Variants in CLXN observed in about 807,000 individuals in gnomAD.
The protein encoded by CLXN is EF-hand calcium binding domain 1.
At chr8:48,726,613 C>G in the CLXN span, among the ~76,000 whole-genome samples, 3 of 149,208 alleles carry the variant, frequency 2.0e-5, no homozygotes, top group Non-Finnish European at 4.5e-5. Context: ...ATCTTTTTAT[C>G]TACCCATCCA....
chr8:48,734,478 T>TC, the CLXN span: 4 of 152,206 alleles, frequency 2.6e-5, no homozygotes, highest in African/African-American at 7.2e-5. Flanking sequence ...TCCTTTATCT[T>TC]TCAACACCAG....
the CLXN span, chr8:48,735,213 T>C: frequency 6.3e-7 from 1 of 1,590,772 alleles, no homozygotes. Context: ...ACCGAGACCC[T>C]CGCGGGACCC....
chr8:48,733,374 T>C, the CLXN span, among the ~76,000 whole-genome samples: 2 of 152,186 alleles, frequency 1.3e-5, no homozygotes, highest in African/African-American at 4.8e-5. Flanking sequence ...CAATACTAAA[T>C]GAAACAAGAA....
chr8:48,715,947 C>T, the CLXN span: 3 of 152,238 alleles, frequency 2.0e-5, no homozygotes, highest in Admixed American at 6.5e-5. Context: ...TTTAGAGAAG[C>T]TTAGTAAGCT....
chr8:48,731,017 C>T, the CLXN span, among the ~76,000 whole-genome samples: 1 of 152,056 alleles, frequency 6.6e-6, no homozygotes, highest in South Asian at 2.1e-4. Flanking sequence ...TATCTTGTCA[C>T]TGAAATATCT....
At chr8:48,719,558 GATCAAA>G in the CLXN span, among the ~76,000 whole-genome samples, 1 of 152,060 alleles carries the variant, frequency 6.6e-6, no homozygotes. Context: ...GCATTAAAAA[GATCAAA>G]ATGCCATGAC....
chr8:48,729,107 C>A, the CLXN span: 3 of 1,613,302 alleles, frequency 1.9e-6, no homozygotes, highest in Non-Finnish European at 2.5e-6. Flanking sequence ...ACAGCCAGTT[C>A]ATAGTCTGCA....
chr8:48,717,464 A>G, the CLXN span, among the ~76,000 whole-genome samples: 4 of 152,374 alleles, frequency 2.6e-5, no homozygotes, highest in South Asian at 8.3e-4. Flanking sequence ...AGGGAGAGAT[A>G]AAGTCTTTCC....
the CLXN span, chr8:48,734,969 G>C: frequency 3.7e-6 from 4 of 1,082,600 alleles, no homozygotes; most frequent in Non-Finnish European, 5.4e-6. Flanking sequence ...CGGGGTGGAG[G>C]GGCGGTAGGT....
chr8:48,729,188 T>C, the CLXN span: 1 of 1,453,174 alleles, frequency 6.9e-7, no homozygotes, highest in East Asian at 2.3e-5. Flanking sequence ...GTAAAATGAT[T>C]ACTGCAAATA....
chr8:48,730,187 T>A, the CLXN span: 1 of 307,770 alleles, frequency 3.2e-6, no homozygotes, highest in Non-Finnish European at 6.0e-6. Context: ...TAATTAAGAA[T>A]AAGAACACTT....
At chr8:48,729,751 T>C in the CLXN span, 1 of 1,612,564 alleles carries the variant, frequency 6.2e-7, no homozygotes, top group Non-Finnish European at 8.5e-7. Flanking sequence ...AACCAAATCT[T>C]TAATTCCTTC....
At chr8:48,724,048 T>G in the CLXN span, 1 of 152,200 alleles carries the variant, frequency 6.6e-6, no homozygotes, top group African/African-American at 2.4e-5. Context: ...TGGTACTTTT[T>G]GATTTTCAGT....
the CLXN span, chr8:48,731,335 G>A: frequency 3.2e-6 from 5 of 1,576,512 alleles, no homozygotes; most frequent in Middle Eastern, 1.7e-4. Flanking sequence ...TTTGAATCTT[G>A]TGTGTCTCTT....
chr8:48,712,381 T>G, the CLXN span: 1 of 152,410 alleles, frequency 6.6e-6, no homozygotes, highest in East Asian at 1.9e-4. Flanking sequence ...TGCATCCAAA[T>G]GTCCTCCACG....
the CLXN span, chr8:48,730,629 T>A: frequency 6.2e-7 from 1 of 1,609,578 alleles, no homozygotes. Flanking sequence ...ATTATCTTTA[T>A]CAAAACCTCG....
chr8:48,715,616 T>TTTTATGACTGATGGTGCCCACAGTC, the CLXN span: 1 of 152,248 alleles, frequency 6.6e-6, no homozygotes. Flanking sequence ...CACCCACAGT[T>TTTTATGACTGATGGTGCCCACAGTC]TTTATGACTG....
the CLXN span, among the ~76,000 whole-genome samples, chr8:48,712,593 T>C: frequency 6.6e-6 from 1 of 152,232 alleles, no homozygotes; most frequent in African/African-American, 2.4e-5. Context: ...GCTGGGTCAG[T>C]GAGCTGCTGC....
the CLXN span, chr8:48,735,117 G>A: frequency 6.2e-7 from 1 of 1,614,182 alleles, no homozygotes; most frequent in East Asian, 2.2e-5. Context: ...TTTGGTTAAG[G>A]TGTCCGTCAG....
Sources: gnomAD v4.1 joint callset for allele counts (sites outside exome capture counted in the v4.1 genomes callset) on GRCh38, gnomAD v4.1.1 for gene constraint, MANE v1.5 for transcripts, NCBI Gene and HGNC (gene_info 2026-07-23, HGNC 2026-07-21) for gene names.